The following CATSPERT variants were observed in gnomAD, a reference collection of about 807,000 sequenced individuals.
CATSPERT encodes catsper channel auxiliary subunit tau, also known as cation channel sperm-associated targeting subunit tau.
At chr2:201,554,585 T>C in the CATSPERT span, 2 of 152,198 alleles carry the variant, frequency 1.3e-5, no homozygotes, top group Non-Finnish European at 2.9e-5. Context: ...CATTTCATTA[T>C]ACTAACAAAT....
At chr2:201,568,804 A>G in the CATSPERT span, among the ~76,000 whole-genome samples, 9 of 152,210 alleles carry the variant, frequency 5.9e-5, no homozygotes, top group Non-Finnish European at 1.5e-5. Context: ...TTCCCAAAAT[A>G]AAAGCCTTCA....
the CATSPERT span, among the ~76,000 whole-genome samples, chr2:201,510,018 C>T: frequency 2.0e-5 from 3 of 150,884 alleles, no homozygotes; most frequent in Non-Finnish European, 4.4e-5. Flanking sequence ...TACAGTGGCT[C>T]ATTTAACTAG....
chr2:201,589,369 C>G, the CATSPERT span, among the ~76,000 whole-genome samples: 2 of 151,070 alleles, frequency 1.3e-5, no homozygotes, highest in African/African-American at 4.9e-5. Flanking sequence ...TACAGGGCTA[C>G]GTAACCAAAA....
the CATSPERT span, among the ~76,000 whole-genome samples, chr2:201,499,539 A>C: frequency 1.3e-5 from 2 of 152,166 alleles, no homozygotes; most frequent in Middle Eastern, 3.4e-3. Context: ...TGCCTTCAAA[A>C]CAGATCAAGT....
the CATSPERT span, among the ~76,000 whole-genome samples, chr2:201,574,617 T>A: frequency 5.3e-5 from 8 of 152,150 alleles, no homozygotes. Context: ...TTCATGTATG[T>A]ATATTTTTAA....
At chr2:201,586,388 T>C in the CATSPERT span, among the ~76,000 whole-genome samples, 3 of 151,960 alleles carry the variant, frequency 2.0e-5, no homozygotes, top group African/African-American at 7.3e-5. Context: ...CATGGTTCAA[T>C]TGGGATAAAT....
At chr2:201,535,093 C>T in the CATSPERT span, 18 of 956,698 alleles carry the variant, frequency 1.9e-5, no homozygotes, top group Non-Finnish European at 2.2e-5. Flanking sequence ...CTGTGCATTA[C>T]TTTCACATTC....
At chr2:201,487,771 T>A in the CATSPERT span, 6 of 1,614,080 alleles carry the variant, frequency 3.7e-6, no homozygotes, top group Non-Finnish European at 5.1e-6. Flanking sequence ...CAGTATATGG[T>A]CTTGCAGAGT....
the CATSPERT span, among the ~76,000 whole-genome samples, chr2:201,558,428 A>G: frequency 1.3e-5 from 2 of 152,246 alleles, no homozygotes; most frequent in Non-Finnish European, 2.9e-5. Flanking sequence ...GGCATGCAGC[A>G]GGGGAATGGA....
the CATSPERT span, chr2:201,535,507 G>A: frequency 9.8e-5 from 90 of 920,524 alleles, no homozygotes; most frequent in African/African-American, 1.3e-3. Flanking sequence ...TAATATAATA[G>A]TTTTATTAAG....
At chr2:201,535,756 C>T in the CATSPERT span, 30 of 1,347,910 alleles carry the variant, frequency 2.2e-5, no homozygotes, top group Admixed American at 1.0e-4. Context: ...AATGCATTTT[C>T]GATTTATTTG....
At chr2:201,579,080 A>C in the CATSPERT span, among the ~76,000 whole-genome samples, 1 of 152,098 alleles carries the variant, frequency 6.6e-6, no homozygotes, top group African/African-American at 2.4e-5. Flanking sequence ...CTTCACTCCC[A>C]ATGTTTACCT....
chr2:201,604,988 G>T, the CATSPERT span, among the ~76,000 whole-genome samples: 13 of 152,126 alleles, frequency 8.5e-5, no homozygotes, highest in East Asian at 2.5e-3. Flanking sequence ...CTTATAAAGA[G>T]AATTCCAGTT....
chr2:201,528,260 A>C, the CATSPERT span, among the ~76,000 whole-genome samples: 1 of 152,306 alleles, frequency 6.6e-6, no homozygotes, highest in Admixed American at 6.5e-5. Context: ...GTCAAAAAAC[A>C]ATAGATGCTG....
At chr2:201,602,259 A>C in the CATSPERT span, among the ~76,000 whole-genome samples, 2 of 152,132 alleles carry the variant, frequency 1.3e-5, no homozygotes, top group African/African-American at 2.4e-5. Flanking sequence ...CCTATTTTTA[A>C]TTTTGAGACA....
the CATSPERT span, among the ~76,000 whole-genome samples, chr2:201,599,750 A>G: frequency 3.3e-3 from 502 of 152,328 alleles, 3 homozygotes; most frequent in African/African-American, 0.011. Flanking sequence ...TAAATACAGG[A>G]AACAGATTTT....
chr2:201,574,133 T>C, the CATSPERT span: 1 of 1,052,208 alleles, frequency 9.5e-7, no homozygotes, highest in Non-Finnish European at 1.3e-6. Context: ...TTGTTCAAAC[T>C]GAAATAGAGC....
chr2:201,505,364 A>C, the CATSPERT span, among the ~76,000 whole-genome samples: 1 of 152,182 alleles, frequency 6.6e-6, no homozygotes, highest in East Asian at 1.9e-4. Context: ...TACAGGTGTG[A>C]GCCACTGCAC....
the CATSPERT span, among the ~76,000 whole-genome samples, chr2:201,506,268 A>AAAACAAACAAAC: frequency 5.5e-3 from 828 of 151,182 alleles, 5 homozygotes; most frequent in East Asian, 0.013. Flanking sequence ...CTCCGTCTCA[A>AAAACAAACAAAC]AAACAAACAA....
Sources: allele counts gnomAD v4.1 joint callset (sites outside exome capture counted in the v4.1 genomes callset), GRCh38; gene constraint gnomAD v4.1.1; transcripts MANE v1.5; gene names NCBI Gene and HGNC (gene_info 2026-07-23, HGNC 2026-07-21).